Variants in NPRL3 observed in about 807,000 individuals in gnomAD.
The protein encoded by NPRL3 is NPR3 like, GATOR1 complex subunit, also known as GATOR1 complex protein NPRL3.
NPRL3 carries 23 observed loss-of-function variants against 57.2 expected under a neutral mutation model. The observed-to-expected ratio is 0.40, with a 90% CI of 0.29 to 0.57. NPRL3 has a LOEUF of 0.57. Among genes scored for constraint, NPRL3 ranks in the 20% least tolerant of loss-of-function variants. The probability of loss-of-function intolerance (pLI) is 0.42; values close to 1 mark genes in which losing one functional copy is unlikely to be tolerated. For missense variants in NPRL3, 691 were observed against 767.1 expected, an observed-to-expected ratio of 0.90 and a Z score of 1.17; for synonymous variants, 333 against 321.1, an observed-to-expected ratio of 1.04 and a Z score of -0.39.
At chr16:96,228 C>T (rs1898998995) in intron 9 of NPRL3, among the ~76,000 whole-genome samples, 1 of 152,126 alleles carries the variant, frequency 6.6e-6, no homozygotes, top group African/African-American at 2.4e-5. Flanking sequence ...AAAGCTTTGT[C>T]CAAGGAGACT....
intron 12 of NPRL3, 90 bp from the exon 13 acceptor site, chr16:88,980 A>G: frequency 8.6e-7 from 1 of 1,156,164 alleles, no homozygotes; most frequent in Non-Finnish European, 1.3e-6. Context: ...GCCTCCAATG[A>G]CACCCCTAAC....
Position 86,529 on chromosome 16 carries a change from C to G in NPRL3, c.*176G>C, listed in dbSNP as rs1898476542. 3.2e-6 allele frequency: 2 copies of G among 632,318 alleles called. No individual in the cohort carries two copies. Among genetic ancestry groups the G allele is most frequent in the African/African-American group, 1.8e-5 (1 of 54,526 alleles). 39.2% of individuals were successfully genotyped at this position (632,318 alleles called of 1,614,324 possible). A position where few individuals can be genotyped will look rare whatever the true frequency, so the allele number is the denominator to read the frequency against. The stretch of plus-strand genomic sequence containing the variant: ...GGCAGCAGCCCCACAGCGGAACCAC[C>G]AGGGGCAAGGACAGCGGGGCTCTGC... On this transcript the variant is annotated 3_prime_UTR_variant, in exon 14 of 14. Transcript: ENST00000611875.
At chr16:136,243 A>C (rs537181345) in intron 2 of NPRL3, among the ~76,000 whole-genome samples, 2 of 152,250 alleles carry the variant, frequency 1.3e-5, no homozygotes, top group Non-Finnish European at 2.9e-5. Context: ...ACAAATCACA[A>C]TATGTTCATC....
rs189811079 is a variant in NPRL3, at chr16:94,294, C to T, written c.925-969G>A. The stretch of plus-strand genomic sequence containing the variant: ...GAGAGCACAGCACCCCAGCACTTCA[C>T]GAAAAGGTGTGTGAAATCCTAAGCT... On this transcript the variant is annotated intron_variant, in intron 9 of 13. Transcript: ENST00000611875. Among the ~76,000 whole-genome samples the T allele has an allele frequency of 6.6e-5, 10 of 152,268 alleles. No homozygotes were observed. In the East Asian group the frequency reaches 1.4e-3, roughly 21 times the overall value.
In NPRL3 at chr16:85,901, T is replaced by G; in HGVS notation, c.*804A>C. 4 of 1,150,886 alleles carry G rather than the reference T, an allele frequency of 3.5e-6. No homozygotes were observed. Among genetic ancestry groups the G allele is most frequent in the East Asian group, 3.0e-5 (1 of 33,828 alleles). 71.3% of individuals were successfully genotyped at this position (1,150,886 alleles called of 1,614,324 possible). On this transcript the variant is annotated 3_prime_UTR_variant, in exon 14 of 14. Coordinates refer to ENST00000611875, the MANE Select transcript of NPRL3 (RefSeq NM_001077350.3). ...ATCAACCCATGTCTGGAGCTAGCTC[T>G]TCCTCCAGGACACGAGAGCTGGGGG... is the stretch of plus-strand genomic sequence containing the variant.
In NPRL3 at chr16:86,591, AATGCCAGGCCTCAGGGCC is replaced by A. The variant is rs1455245876; in HGVS notation, c.*96_*113del. 9.0e-7 allele frequency: 1 copy of A among 1,110,324 alleles called. No homozygotes were observed. Among genetic ancestry groups the A allele is most frequent in the African/African-American group, 1.6e-5 (1 of 63,722 alleles). 68.8% of individuals were successfully genotyped at this position (1,110,324 alleles called of 1,614,324 possible). A position where few individuals can be genotyped will look rare whatever the true frequency, so the allele number is the denominator to read the frequency against. Reference sequence around the variant, plus strand: ...GGCCACGGCCAGCCCGCATCCACCCAATGCCAGGCCTCAGGGCCAAGAGGGCTCAGCCTCAGCACGGGG... The same window carrying A: ...GGCCACGGCCAGCCCGCATCCACCCAAAGAGGGCTCAGCCTCAGCACGGGG... On this transcript the variant is annotated 3_prime_UTR_variant, in exon 14 of 14. Transcript: ENST00000611875.
chr16:110,707 C>T (rs987512180), intron 6 of NPRL3, 101 bp from the exon 7 acceptor site: 5 of 931,512 alleles, frequency 5.4e-6, no homozygotes, highest in Non-Finnish European at 6.7e-6. Context: ...GCCACCATGT[C>T]TGGCTAATTT....
intron 3 of NPRL3, among the ~76,000 whole-genome samples, chr16:127,879 TCTC>T (rs1191928582): frequency 2.6e-5 from 4 of 151,352 alleles, no homozygotes; most frequent in African/African-American, 7.3e-5. Flanking sequence ...TGAGTCTCGA[TCTC>T]CTGACCTCAT....
intron 2 of NPRL3, among the ~76,000 whole-genome samples, chr16:136,009 C>T (rs1220181878): frequency 3.3e-5 from 5 of 152,168 alleles, no homozygotes. Flanking sequence ...ATTAAAATTA[C>T]TACCAGATAT....
intron 6 of NPRL3, 132 bp from the exon 7 acceptor site, chr16:110,738 C>T (rs944254479): frequency 2.0e-5 from 13 of 663,314 alleles, no homozygotes; most frequent in Non-Finnish European, 3.2e-5. Context: ...TTGGTAGAGA[C>T]AGGTATTCAC....
chr16:123,323 G>T (rs1900359509), intron 3 of NPRL3, among the ~76,000 whole-genome samples: 1 of 152,172 alleles, frequency 6.6e-6, no homozygotes, highest in Non-Finnish European at 1.5e-5. Flanking sequence ...TGACTGGGTA[G>T]AGAAAAAGCC....
chr16:121,476 T>C (rs1900276580), intron 3 of NPRL3, among the ~76,000 whole-genome samples: 1 of 151,890 alleles, frequency 6.6e-6, no homozygotes, highest in Non-Finnish European at 1.5e-5. Context: ...ATACAAAAAT[T>C]AGCCGGGCGC....
At chr16:92,458 T>G in intron 11 of NPRL3, 138 bp downstream of exon 11, 1 of 1,117,892 alleles carries the variant, frequency 8.9e-7, no homozygotes, top group Non-Finnish European at 1.3e-6. Flanking sequence ...CACGTAGCAC[T>G]TGCACGGCAA....
At chr16:132,984 C>T (rs1203225696) in intron 2 of NPRL3, among the ~76,000 whole-genome samples, 2 of 151,916 alleles carry the variant, frequency 1.3e-5, no homozygotes, top group South Asian at 2.1e-4. Context: ...TGCACTTTTA[C>T]GTTATAGAGA....
At chr16:106,822 ACTCAGT>A (rs980314909) in intron 7 of NPRL3, among the ~76,000 whole-genome samples, 1 of 151,976 alleles carries the variant, frequency 6.6e-6, no homozygotes, top group African/African-American at 2.4e-5. Context: ...AGTAATGGAA[ACTCAGT>A]CTCCTCCTCT....
chr16:89,849 C>G lies in NPRL3; in HGVS notation c.1215G>C (p.Gln405His), dbSNP rs1426917813. Reference protein sequence around the residue: ...VWMLQRRLLIQLHTYVCLMAS... With the variant: ...VWMLQRRLLIHLHTYVCLMAS... ...CCATCAGGCAGACATAGGTGTGCAGCTGGATGAGAAGCCGGCGCTGCAGCA... is the reference window on the plus strand; with the variant it reads ...CCATCAGGCAGACATAGGTGTGCAGGTGGATGAGAAGCCGGCGCTGCAGCA... Residue 405 changes from glutamine to histidine, a missense_variant, in exon 12 of 14, where the codon CAG (glutamine) becomes CAC (histidine). Physicochemically the swap from Gln to His is conservative, Grantham distance 24. Transcript: ENST00000611875. The G allele has an allele frequency of 5.7e-6, 9 of 1,574,768 alleles. No individual in the cohort carries two copies. Among genetic ancestry groups the G allele is most frequent in the Non-Finnish European group, 7.7e-6 (9 of 1,161,734 alleles).
At chr16:105,086 G>T (rs543373543) in intron 7 of NPRL3, among the ~76,000 whole-genome samples, 1 of 152,254 alleles carries the variant, frequency 6.6e-6, no homozygotes, top group East Asian at 1.9e-4. Flanking sequence ...TCCTCCTCAA[G>T]ACTTATCCAG....
At chr16:95,703 G>A (rs1324656751) in intron 9 of NPRL3, among the ~76,000 whole-genome samples, 1 of 152,062 alleles carries the variant, frequency 6.6e-6, no homozygotes, top group Non-Finnish European at 1.5e-5. Flanking sequence ...CTGAGTAGCT[G>A]GGACCATGGG....
rs143023881 is a variant in NPRL3 at position 127,940 on chromosome 16, C to A, written c.188+2582G>T. Among the ~76,000 whole-genome samples the A allele has an allele frequency of 5.8e-3, 880 of 152,138 alleles. 5 individuals carry two copies. Among genetic ancestry groups the A allele is most frequent in the African/African-American group, 0.02 (848 of 41,496 alleles). On this transcript the variant is annotated intron_variant, in intron 3 of 13. Coordinates refer to ENST00000611875, the MANE Select transcript of NPRL3 (RefSeq NM_001077350.3). ...AAAGGGCTGGGATTACAGGCTTGAGCCACTGCGCCCGGCCGCAAGTGAATT... is the reference window on the plus strand; with the variant it reads ...AAAGGGCTGGGATTACAGGCTTGAGACACTGCGCCCGGCCGCAAGTGAATT...
Sources: gnomAD v4.1 joint callset for allele counts (sites outside exome capture counted in the v4.1 genomes callset) on GRCh38, gnomAD v4.1.1 for gene constraint, MANE v1.5 for transcripts, NCBI Gene and HGNC (gene_info 2026-07-23, HGNC 2026-07-21) for gene names.